MEGF11: variants seen among roughly 807,000 people sequenced by gnomAD.
The protein encoded by MEGF11 is multiple EGF like domains 11, also known as multiple epidermal growth factor-like domains protein 11.
MEGF11 carries 126 observed loss-of-function variants against 146.6 expected under a neutral mutation model. The ratio of observed to expected loss-of-function variants is 0.86; its 90% CI spans 0.74 to 1.00. The LOEUF (loss-of-function observed/expected upper bound fraction) is 1.00, where lower values mean the gene tolerates loss of function less well. Ranked by LOEUF, MEGF11 falls within the 50% of genes least tolerant of loss-of-function variation. MEGF11 has a pLI of 0.00. For synonymous variants in MEGF11, 532 were observed against 583.4 expected (o/e 0.91, Z 1.27); for missense variants, 1,509 against 1,521.2 (o/e 0.99, Z 0.13).
chr15:65,948,387 T>TGTTACACATGTTTTACAGC, intron 10 of MEGF11, among the ~76,000 whole-genome samples: 1 of 152,266 alleles, frequency 6.6e-6, no homozygotes, highest in African/African-American at 2.4e-5. Flanking sequence ...TGTTTTACAG[T>TGTTACACATGTTTTACAGC]GTTACACCTG....
Position 66,252,094 on chromosome 15 carries a change from C to T in MEGF11, c.-9+1511G>A, listed in dbSNP as rs2092379207. Among the ~76,000 whole-genome samples, 5 of 152,340 alleles carry T rather than the reference C, an allele frequency of 3.3e-5. No homozygotes were observed. In the South Asian group the frequency reaches 1.0e-3, roughly 32 times the overall value. ...CACTCCAACAAAGAGAGCTGCTGGG[C>T]CGGGGCTCCGCTGGCTCCGAGAAGC... On this transcript the variant is annotated intron_variant, in intron 1 of 25. Coordinates refer to ENST00000395614, the MANE Select transcript of MEGF11 (RefSeq NM_001385028.1).
intron 1 of MEGF11, among the ~76,000 whole-genome samples, chr15:66,166,858 C>A (rs1308794817): frequency 2.5e-4 from 38 of 152,118 alleles, no homozygotes; most frequent in Admixed American, 2.5e-3. Flanking sequence ...AAATAAATAT[C>A]TTCTAAATAA....
chr15:66,191,470 G>C (rs1260502386), intron 1 of MEGF11, among the ~76,000 whole-genome samples: 1 of 152,208 alleles, frequency 6.6e-6, no homozygotes, highest in African/African-American at 2.4e-5. Flanking sequence ...TATTGTCTGG[G>C]GGACCTGGAC....
chr15:65,899,571 A>G (rs1440617675), intron 24 of MEGF11, among the ~76,000 whole-genome samples: 1 of 152,220 alleles, frequency 6.6e-6, no homozygotes, highest in African/African-American at 2.4e-5. Context: ...GTTTTAGCAC[A>G]GATGTCAGCA....
intron 4 of MEGF11, among the ~76,000 whole-genome samples, chr15:66,115,970 C>T (rs1050922036): frequency 5.9e-5 from 9 of 152,190 alleles, no homozygotes; most frequent in Non-Finnish European, 1.3e-4. Context: ...GCCGGTGAAG[C>T]CGCCCAGCCT....
At chr15:66,005,781 A>G (rs918497778) in intron 5 of MEGF11, among the ~76,000 whole-genome samples, 28 of 152,166 alleles carry the variant, frequency 1.8e-4, no homozygotes, top group African/African-American at 6.3e-4. Context: ...TCCACCAGGG[A>G]TGGTATAAAG....
At chr15:66,169,006 A>C (rs2090172995) in intron 1 of MEGF11, among the ~76,000 whole-genome samples, 2 of 152,194 alleles carry the variant, frequency 1.3e-5, no homozygotes, top group Admixed American at 6.5e-5. Context: ...AAATAAAATA[A>C]AAGTCACCTG....
intron 10 of MEGF11, among the ~76,000 whole-genome samples, chr15:65,941,155 C>CCT (rs1248372908): frequency 6.6e-6 from 1 of 152,188 alleles, no homozygotes; most frequent in Non-Finnish European, 1.5e-5. Flanking sequence ...GTGACTCATG[C>CCT]CTGTAATCCC....
chr15:65,948,676 A>ATT (rs1300800618), intron 10 of MEGF11, among the ~76,000 whole-genome samples: 1 of 152,208 alleles, frequency 6.6e-6, no homozygotes, highest in African/African-American at 2.4e-5. Context: ...TGTTCTAAAT[A>ATT]TTTTATCTAA....
intron 7 of MEGF11, among the ~76,000 whole-genome samples, chr15:65,980,544 G>A (rs948443337): frequency 3.0e-4 from 45 of 151,920 alleles, no homozygotes; most frequent in African/African-American, 1.0e-3. Flanking sequence ...GATTACAGAC[G>A]TATGACACAA....
chr15:66,240,930 G>C (rs189965463), intron 1 of MEGF11, among the ~76,000 whole-genome samples: 3 of 152,320 alleles, frequency 2.0e-5, no homozygotes, highest in Admixed American at 2.0e-4. Flanking sequence ...GAAAGGAAAA[G>C]ACATCTTTGA....
At chr15:66,000,865 G>C (rs2082346020) in intron 5 of MEGF11, among the ~76,000 whole-genome samples, 1 of 152,230 alleles carries the variant, frequency 6.6e-6, no homozygotes, top group East Asian at 1.9e-4. Flanking sequence ...GGTAGGAAGA[G>C]GAGGATAGCC....
chr15:66,178,546 T>C (rs1264549219), intron 1 of MEGF11, among the ~76,000 whole-genome samples: 2 of 152,244 alleles, frequency 1.3e-5, no homozygotes, highest in African/African-American at 2.4e-5. Flanking sequence ...TTCCCCTGAA[T>C]GTGGCATGCA....
intron 5 of MEGF11, among the ~76,000 whole-genome samples, chr15:66,088,229 C>G (rs74648455): frequency 0.019 from 2,880 of 152,292 alleles, 93 homozygotes; most frequent in African/African-American, 0.066. Flanking sequence ...AGAGTCACAG[C>G]TGAATTCTAC....
intron 5 of MEGF11, among the ~76,000 whole-genome samples, chr15:66,081,758 G>A (rs2085866082): frequency 6.6e-6 from 1 of 152,180 alleles, no homozygotes; most frequent in Non-Finnish European, 1.5e-5. Flanking sequence ...CTGGAACAAA[G>A]CCAGCTTTCC....
intron 15 of MEGF11, among the ~76,000 whole-genome samples, chr15:65,921,362 C>G (rs2141250435): frequency 6.6e-6 from 1 of 152,288 alleles, no homozygotes; most frequent in South Asian, 2.1e-4. Flanking sequence ...TCTGAAGGTC[C>G]CAGCCTACCT....
chr15:66,050,846 A>C (rs1416125682), intron 5 of MEGF11, among the ~76,000 whole-genome samples: 1 of 152,124 alleles, frequency 6.6e-6, no homozygotes, highest in Non-Finnish European at 1.5e-5. Flanking sequence ...TCAGCCAAGC[A>C]CTCACCCTGG....
intron 4 of MEGF11, among the ~76,000 whole-genome samples, chr15:66,101,262 G>T (rs2086795387): frequency 6.6e-6 from 1 of 152,096 alleles, no homozygotes; most frequent in African/African-American, 2.4e-5. Context: ...CACTTCTCCA[G>T]CCTGCCGCTC....
At chr15:66,229,760 G>A (rs551846710) in intron 1 of MEGF11, among the ~76,000 whole-genome samples, 8 of 152,326 alleles carry the variant, frequency 5.3e-5, no homozygotes, top group East Asian at 1.9e-4. Context: ...GCTGGGTAGC[G>A]GGGAGCAGCT....
Sources: allele counts gnomAD v4.1 joint callset (sites outside exome capture counted in the v4.1 genomes callset), GRCh38; gene constraint gnomAD v4.1.1; transcripts MANE v1.5; gene names NCBI Gene and HGNC (gene_info 2026-07-23, HGNC 2026-07-21).